TNNI1: variants seen among roughly 807,000 people sequenced by gnomAD.
TNNI1 encodes the protein troponin I, slow skeletal muscle.
Under a neutral mutation model 26.7 loss-of-function variants are expected in TNNI1, and 14 were observed. The ratio of observed to expected loss-of-function variants is 0.52; its 90% CI spans 0.35 to 0.82. TNNI1 has a LOEUF of 0.82. Ranked by LOEUF, TNNI1 falls within the 40% of genes least tolerant of loss-of-function variation. The probability of loss-of-function intolerance (pLI) is 0.01; values close to 1 mark genes in which losing one functional copy is unlikely to be tolerated. For synonymous variants in TNNI1, 79 were observed against 98.2 expected, an observed-to-expected ratio of 0.80 and a Z score of 1.16; for missense variants, 164 against 257.0, an observed-to-expected ratio of 0.64 and a Z score of 2.47.
chr1:201,414,682 T>C lies in TNNI1; in HGVS notation c.58-33A>G, dbSNP rs748486743. The C allele has an allele frequency of 4.4e-6, 7 of 1,602,410 alleles. No homozygotes were observed. The South Asian group carries it at 6.7e-5, about 15-fold the overall frequency. On this transcript the variant is annotated intron_variant, in intron 4 of 8. Coordinates refer to ENST00000361379, the MANE Select transcript of TNNI1 (RefSeq NM_003281.4). The stretch of plus-strand genomic sequence containing the variant: ...GGACACACCTGCTGAGCTGGGGGCC[T>C]CACATCTCCCACCCGGCATCAGGGA...
At chr1:201,415,355 T>C in intron 3 of TNNI1, 101 bp from the exon 4 acceptor site, 1 of 1,257,906 alleles carries the variant, frequency 7.9e-7, no homozygotes, top group East Asian at 2.4e-5. Context: ...TCTCTATCTT[T>C]ATCCGGAATC....
chr1:201,413,608 G>A (rs1571736239), intron 5 of TNNI1, among the ~76,000 whole-genome samples: 2 of 152,054 alleles, frequency 1.3e-5, no homozygotes, highest in South Asian at 4.1e-4. Flanking sequence ...AGCCAGGCAT[G>A]GTGGTGTGCA....
rs532438773 is a variant in TNNI1 at position 201,416,647 on chromosome 1, G to A, written c.15+469C>T. Among the ~76,000 whole-genome samples the A allele has an allele frequency of 2.0e-5, 3 of 152,308 alleles. No individual in the cohort carries two copies. In the South Asian group the frequency reaches 6.2e-4, roughly 32 times the overall value. On this transcript the variant is annotated intron_variant, in intron 3 of 8. Coordinates refer to ENST00000361379, the MANE Select transcript of TNNI1 (RefSeq NM_003281.4). Reference sequence around the variant, plus strand: ...GTGTCAGGGTTTTCTAACACCTGAGGGATTTAAGGACATCTCTTTGCTCCT... The same window carrying A: ...GTGTCAGGGTTTTCTAACACCTGAGAGATTTAAGGACATCTCTTTGCTCCT...
At chr1:201,418,581 A>G (rs902142870) in intron 1 of TNNI1, among the ~76,000 whole-genome samples, 56 of 152,144 alleles carry the variant, frequency 3.7e-4, no homozygotes, top group African/African-American at 1.3e-3. Flanking sequence ...AAGGGCTCAG[A>G]GAGAGGAAGG....
rs982821764 is a variant in TNNI1 at position 201,406,257 on chromosome 1, T to C, written c.*2996A>G. 2.2e-5 allele frequency: 1 copy of C among 45,764 alleles called. No homozygotes were observed. 2.8% of individuals were successfully genotyped at this position (45,764 alleles called of 1,614,324 possible). On this transcript the variant is annotated 3_prime_UTR_variant, in exon 9 of 9. Coordinates refer to ENST00000361379, the MANE Select transcript of TNNI1 (RefSeq NM_003281.4). The stretch of plus-strand genomic sequence containing the variant: ...GGCCTCCATTTCCTCATCTGTAAAT[T>C]TGAGCTAACAAATGTACCATTTTTG...
chr1:201,408,973 C>T lies in TNNI1; in HGVS notation c.*280G>A, dbSNP rs774614414. 1.3e-5 allele frequency: 2 copies of T among 152,254 alleles called. No individual in the cohort carries two copies. The highest frequency in any genetic ancestry group is 2.9e-5 in the Non-Finnish European group (2 of 68,076). The allele number at this position is 152,254 out of a possible 1,614,324, so 9.4% of individuals were successfully genotyped here. ...GGAAAGGTGTTCTCACCCCCTCCTC[C>T]TCCTCCACTTGTTACACCACGGGGT... On this transcript the variant is annotated 3_prime_UTR_variant, in exon 9 of 9. Transcript: ENST00000361379.
At chr1:201,416,336 C>T (rs1662739409) in intron 3 of TNNI1, among the ~76,000 whole-genome samples, 2 of 152,212 alleles carry the variant, frequency 1.3e-5, no homozygotes, top group Non-Finnish European at 2.9e-5. Flanking sequence ...GATCTTATTT[C>T]CCCACCACTT....
Position 201,410,453 on chromosome 1 carries a change from A to G in TNNI1, c.457-18T>C, listed in dbSNP as rs370323840. On this transcript the variant is annotated intron_variant, in intron 7 of 8. Transcript: ENST00000361379. ...GGCCGCTCCTGTAGACAAGTGGCAC[A>G]CACATCAGGGACTTACCAGGCTGGA... 5.0e-5 allele frequency: 81 copies of G among 1,609,828 alleles called. No homozygotes were observed. In the African/African-American group the frequency reaches 7.5e-4, roughly 15 times the overall value.
At chr1:201,418,717 G>A (rs1241251516) in intron 1 of TNNI1, among the ~76,000 whole-genome samples, 8 of 152,332 alleles carry the variant, frequency 5.3e-5, no homozygotes, top group Non-Finnish European at 1.2e-4. Flanking sequence ...TTGAGTGGGA[G>A]AGAATAAGCC....
In TNNI1 at chr1:201,411,357, C is replaced by G. The variant is rs749357568; in HGVS notation, c.456G>C (p.Lys152Asn). ...AATGTTCTGAGGAAAGGGACCTCAC[C>G]TTCTCTGTGTCTTCCTTCTTCACAG... The part of the protein sequence containing the change: ...LKSVKKEDTE[K>N]ERPVEVGDWR... Residue 152 changes from lysine to asparagine, a missense_variant and splice_region_variant, in exon 7 of 9, where the codon AAG becomes AAC. Physicochemically the swap from Lys to Asn is moderately conservative, Grantham distance 94. This residue lies in a region of TNNI1 where 43 missense variants were observed against 74.3 expected (regional missense o/e 0.58). Coordinates refer to ENST00000361379, the MANE Select transcript of TNNI1 (RefSeq NM_003281.4). The surrounding 1 kb of genome is among the most constrained non-coding windows in gnomAD (Gnocchi z 4.6). The G allele has an allele frequency of 6.2e-7, 1 of 1,613,472 alleles. No individual in the cohort carries two copies. The highest frequency in any genetic ancestry group is 8.5e-7 in the Non-Finnish European group (1 of 1,179,808).
In TNNI1 at chr1:201,403,911, G is replaced by A. The variant is rs1052602669; in HGVS notation, c.*5342C>T. ...GTGGAGAGGAAGGGGTTGTGATTGGGGAGGGACGCATAAGGGCTTCAAAAG... is the reference window on the plus strand; with the variant it reads ...GTGGAGAGGAAGGGGTTGTGATTGGAGAGGGACGCATAAGGGCTTCAAAAG... On this transcript the variant is annotated 3_prime_UTR_variant, in exon 9 of 9. Transcript: ENST00000361379. The A allele has an allele frequency of 1.3e-5, 2 of 152,192 alleles. No individual in the cohort carries two copies. 9.4% of individuals were successfully genotyped at this position (152,192 alleles called of 1,614,324 possible). A position where few individuals can be genotyped will look rare whatever the true frequency, so the allele number is the denominator to read the frequency against.
intron 3 of TNNI1, among the ~76,000 whole-genome samples, chr1:201,416,625 T>C (rs1363303348): frequency 2.0e-5 from 3 of 152,220 alleles, no homozygotes; most frequent in Non-Finnish European, 4.4e-5. Context: ...ATGGCCAGTG[T>C]CAGGGTTTTC....
chr1:201,417,176 A>G, intron 2 of TNNI1, 57 bp from the exon 3 acceptor site: 1 of 1,612,042 alleles, frequency 6.2e-7, no homozygotes, highest in Non-Finnish European at 8.5e-7. Flanking sequence ...AGTGAGTATG[A>G]ACAATGAGGA....
At chr1:201,413,301 CCTGTCTGA>C (rs1188673569) in intron 5 of TNNI1, among the ~76,000 whole-genome samples, 180 bp from the exon 6 acceptor site, 1 of 152,176 alleles carries the variant, frequency 6.6e-6, no homozygotes, top group African/African-American at 2.4e-5. Context: ...CCTCTGTTCT[CCTGTCTGA>C]ATGTCATGAT....
intron 6 of TNNI1, 98 bp downstream of exon 6, chr1:201,412,934 G>T (rs1442724600): frequency 2.4e-6 from 3 of 1,239,874 alleles, no homozygotes; most frequent in Non-Finnish European, 3.5e-6. Context: ...CCCTTCCTAG[G>T]CCCTGTGGAA....
In TNNI1 at chr1:201,404,448, G is replaced by A. The variant is rs1662477021; in HGVS notation, c.*4805C>T. 6.6e-6 allele frequency: 1 copy of A among 152,144 alleles called. No individual in the cohort carries two copies. The highest frequency in any genetic ancestry group is 2.1e-4 in the South Asian group (1 of 4,824). The allele number at this position is 152,144 out of a possible 1,614,324, so 9.4% of individuals were successfully genotyped here. A position where few individuals can be genotyped will look rare whatever the true frequency, so the allele number is the denominator to read the frequency against. On this transcript the variant is annotated 3_prime_UTR_variant, in exon 9 of 9. Transcript: ENST00000361379. Reference sequence around the variant, plus strand: ...AGAATCCAGGGCAGTAAGCTCCCTGGCTTTCGGTTTTTACAAACTAATAAT... The same window carrying A: ...AGAATCCAGGGCAGTAAGCTCCCTGACTTTCGGTTTTTACAAACTAATAAT...
rs375510441 is a variant in TNNI1, at chr1:201,417,827, G to A, written c.-19-15C>T. On this transcript the variant is annotated splice_polypyrimidine_tract_variant and intron_variant, in intron 1 of 8. Coordinates refer to ENST00000361379, the MANE Select transcript of TNNI1 (RefSeq NM_003281.4). The stretch of plus-strand genomic sequence containing the variant: ...TGAGACAGCACCTAGGGGGCACAGA[G>A]GAATCATTCATAAGGGAAAGTGGAA... 2 of 1,312,524 alleles carry A rather than the reference G, an allele frequency of 1.5e-6. No homozygotes were observed. The highest frequency in any genetic ancestry group is 2.0e-6 in the Non-Finnish European group (2 of 1,021,558). The allele number at this position is 1,312,524 out of a possible 1,614,324, so 81.3% of individuals were successfully genotyped here.
Position 201,408,680 on chromosome 1 carries a change from C to T in TNNI1, c.*573G>A, listed in dbSNP as rs1662574320. 6.6e-6 allele frequency: 1 copy of T among 152,432 alleles called. No homozygotes were observed. Among genetic ancestry groups the T allele is most frequent in the Non-Finnish European group, 1.5e-5 (1 of 68,152 alleles). 9.4% of individuals were successfully genotyped at this position (152,432 alleles called of 1,614,324 possible). The stretch of plus-strand genomic sequence containing the variant: ...GTGGTGAGTGTGTGCAGTGTGACGT[C>T]ACAGGGACTGGGCAGAAGGGGCCCC... On this transcript the variant is annotated 3_prime_UTR_variant, in exon 9 of 9. Transcript: ENST00000361379.
chr1:201,417,427 C>T (rs768385111), intron 2 of TNNI1, among the ~76,000 whole-genome samples: 22 of 152,286 alleles, frequency 1.4e-4, no homozygotes, highest in Middle Eastern at 3.4e-3. Context: ...GTTCCAGCAA[C>T]GTGAAAGCAT....
Sources: gnomAD v4.1 joint callset for allele counts (sites outside exome capture counted in the v4.1 genomes callset) on GRCh38, gnomAD v4.1.1 for gene constraint, gnomAD v4.1.1 regional missense constraint, Gnocchi (gnomAD v3.1) non-coding constraint, MANE v1.5 for transcripts, NCBI Gene and HGNC (gene_info 2026-07-23, HGNC 2026-07-21) for gene names.